Variants in ALMS1 observed in about 807,000 individuals in gnomAD.
The protein encoded by ALMS1 is centrosome-associated protein ALMS1.
Under a neutral mutation model 352.2 loss-of-function variants are expected in ALMS1, and 271 were observed. The ratio of observed to expected loss-of-function variants is 0.77; its 90% CI spans 0.70 to 0.85. The LOEUF (loss-of-function observed/expected upper bound fraction) is 0.85, where lower values mean the gene tolerates loss of function less well. ALMS1 is among the 40% of genes least tolerant of loss of function. The pLI, the probability that ALMS1 is intolerant of heterozygous loss-of-function variation, is 0.00. For missense variants in ALMS1, 5,445 were observed against 4,870.7 expected, an observed-to-expected ratio of 1.12 and a Z score of -3.51; for synonymous variants, 1,865 against 1,761.2, an observed-to-expected ratio of 1.06 and a Z score of -1.48.
At position 73,451,340 on chromosome 2, in the gene ALMS1, G is replaced by GA. The variant is rs758098717; in HGVS notation, c.4820dup (p.Thr1608AspfsTer2). 1.9e-6 allele frequency: 3 copies of GA among 1,613,936 alleles called. No individual in the cohort carries two copies. Among genetic ancestry groups the GA allele is most frequent in the Non-Finnish European group, 2.5e-6 (3 of 1,179,964 alleles). ...AGTTTCCATTGTTTCTGGACCTACT[G>GA]AAAAAAAGACTGACATACCAGCAGG... On this transcript the variant is annotated frameshift_variant, in exon 8 of 23. Coordinates refer to ENST00000613296, the MANE Select transcript of ALMS1 (RefSeq NM_001378454.1). LOFTEE classifies it high-confidence loss of function.
intron 22 of ALMS1, 95 bp from the exon 23 acceptor site, chr2:73,609,473 G>A: frequency 8.6e-7 from 1 of 1,161,388 alleles, no homozygotes; most frequent in Non-Finnish European, 1.3e-6. Flanking sequence ...GGACCACACT[G>A]ATTCTCCTTG....
chr2:73,407,289 C>T (rs963791017), intron 1 of ALMS1, among the ~76,000 whole-genome samples: 3 of 152,094 alleles, frequency 2.0e-5, no homozygotes, highest in Admixed American at 6.5e-5. Context: ...TCAGATCTGC[C>T]CTCATGATTA....
chr2:73,597,586 T>C (rs1675577525), intron 16 of ALMS1, among the ~76,000 whole-genome samples: 1 of 152,204 alleles, frequency 6.6e-6, no homozygotes. Flanking sequence ...TTTTTTAACA[T>C]CATTTTAGTC....
chr2:73,404,945 T>C, intron 1 of ALMS1, among the ~76,000 whole-genome samples: 1 of 130,544 alleles, frequency 7.7e-6, no homozygotes, highest in East Asian at 2.1e-4. Flanking sequence ...AGGGTCTTAC[T>C]TTGTCACCCA....
chr2:73,470,136 C>G (rs1280354303), intron 9 of ALMS1: 1 of 151,434 alleles, frequency 6.6e-6, no homozygotes, highest in Non-Finnish European at 1.5e-5. Flanking sequence ...TTGTTTTTAC[C>G]TTTTCAAAAA....
At chr2:73,456,752 A>T (rs1672075034) in intron 9 of ALMS1, 1 of 152,366 alleles carries the variant, frequency 6.6e-6, no homozygotes, top group East Asian at 1.9e-4. Context: ...CAAAATAATA[A>T]GAATAATAAA....
intron 14 of ALMS1, among the ~76,000 whole-genome samples, chr2:73,558,253 T>C (rs1182966692): frequency 1.3e-5 from 2 of 152,172 alleles, no homozygotes; most frequent in East Asian, 3.8e-4. Context: ...GTATTGATAG[T>C]TTCTGCCACA....
intron 9 of ALMS1, among the ~76,000 whole-genome samples, chr2:73,460,266 T>C (rs1216832884): frequency 6.6e-6 from 1 of 152,220 alleles, no homozygotes; most frequent in Non-Finnish European, 1.5e-5. Context: ...TCCAGATATT[T>C]TTAAATTTCC....
chr2:73,440,430 C>T (rs1391478824), intron 7 of ALMS1, among the ~76,000 whole-genome samples: 21 of 152,092 alleles, frequency 1.4e-4, no homozygotes, highest in Admixed American at 1.4e-3. Context: ...ATCGTCTTCT[C>T]CCTCTCTCTC....
rs183206234 is a variant in ALMS1 at position 73,515,834 on chromosome 2, C to A, written c.9540-3941C>A. Among the ~76,000 whole-genome samples the A allele has an allele frequency of 1.9e-3, 292 of 151,388 alleles. 1 individual carries two copies. The highest frequency in any genetic ancestry group is 6.4e-3 in the African/African-American group (264 of 41,184). On this transcript the variant is annotated intron_variant, in intron 10 of 22. Transcript: ENST00000613296. ...TCAGAGACTATTATGAACACCTATT[C>A]ACACACAAACTAGGAAACCTAGAAG...
In ALMS1 at chr2:73,407,288, C is replaced by T. The variant is rs78833705; in HGVS notation, c.325-1334C>T. 4.7e-4 allele frequency among the ~76,000 whole-genome samples: 71 copies of T among 152,268 alleles called. 1 individual carries two copies. The highest frequency in any genetic ancestry group is 1.7e-3 in the African/African-American group (69 of 41,558). ...CAAGTCATTAAGCCGTTCAGATCTG[C>T]CCTCATGATTAATTCATTCATGAGA... is the stretch of plus-strand genomic sequence containing the variant. On this transcript the variant is annotated intron_variant, in intron 1 of 22. Coordinates refer to ENST00000613296, the MANE Select transcript of ALMS1 (RefSeq NM_001378454.1).
At chr2:73,432,959 A>G (rs1671531934) in intron 7 of ALMS1, among the ~76,000 whole-genome samples, 1 of 152,192 alleles carries the variant, frequency 6.6e-6, no homozygotes, top group Non-Finnish European at 1.5e-5. Flanking sequence ...ACAAGAGTGG[A>G]TGCAGATAAG....
chr2:73,600,566 C>A lies in ALMS1; in HGVS notation c.11669-112C>A, dbSNP rs560032819. On this transcript the variant is annotated intron_variant, in intron 17 of 22. Coordinates refer to ENST00000613296, the MANE Select transcript of ALMS1 (RefSeq NM_001378454.1). ...TCTCTTCGCATCCCTCCATCCCACACAAAGGGATTGTATTTTTGAAACATT... is the reference window on the plus strand; with the variant it reads ...TCTCTTCGCATCCCTCCATCCCACAAAAAGGGATTGTATTTTTGAAACATT... 101 of 1,007,966 alleles carry A rather than the reference C, an allele frequency of 1.0e-4. 3 individuals carry two copies. In the South Asian group the frequency reaches 1.7e-3, roughly 16 times the overall value. 62.4% of individuals were successfully genotyped at this position (1,007,966 alleles called of 1,614,324 possible).
At chr2:73,489,260 C>T (rs371517494) in intron 9 of ALMS1, among the ~76,000 whole-genome samples, 3 of 152,198 alleles carry the variant, frequency 2.0e-5, no homozygotes, top group African/African-American at 7.2e-5. Flanking sequence ...GTGGTTACAA[C>T]TAGCTGCAGA....
chr2:73,471,799 T>C (rs1032986157), intron 9 of ALMS1, among the ~76,000 whole-genome samples: 1 of 151,850 alleles, frequency 6.6e-6, no homozygotes, highest in Non-Finnish European at 1.5e-5. Context: ...CTGTGGAAAA[T>C]AGTATGGAGA....
At chr2:73,559,168 T>C in intron 15 of ALMS1, 26 bp downstream of exon 15, 1 of 1,606,436 alleles carries the variant, frequency 6.2e-7, no homozygotes, top group Non-Finnish European at 8.5e-7. Context: ...TGTGTATGAG[T>C]GTGTGTGTCT....
rs142278066 is a variant in ALMS1 at position 73,599,494 on chromosome 2, C to T, written c.11641C>T (p.His3881Tyr). 2,669 of 1,613,580 alleles carry T rather than the reference C, an allele frequency of 1.7e-3. 2 individuals are homozygous for T. The highest frequency in any genetic ancestry group is 2.1e-3 in the Non-Finnish European group (2,471 of 1,179,680). The change falls in exon 17 of 23, where the codon CAC becomes TAC. Residue 3881 changes from histidine (H) to tyrosine (Y), a missense_variant. By Grantham distance (83) the His-to-Tyr change is moderately conservative. Transcript: ENST00000613296. ...TACTTTTTGCAACAAGCAGAATGTA[C>T]ACATGTTAAACAAGGGCATACAAGC... ...NSTFCNKQNV[H>Y]MLNKGIQAGN...
intron 10 of ALMS1, among the ~76,000 whole-genome samples, chr2:73,505,975 G>T (rs1366586155): frequency 6.6e-6 from 1 of 152,110 alleles, no homozygotes; most frequent in African/African-American, 2.4e-5. Context: ...TGTATAAGGT[G>T]TAAGGAAGGG....
At chr2:73,494,810 T>A (rs1673069781) in intron 10 of ALMS1, among the ~76,000 whole-genome samples, 1 of 152,256 alleles carries the variant, frequency 6.6e-6, no homozygotes, top group African/African-American at 2.4e-5. Context: ...GTTATTGTTT[T>A]TCCTTTGGAG....
Sources: allele counts gnomAD v4.1 joint callset (sites outside exome capture counted in the v4.1 genomes callset), GRCh38; gene constraint gnomAD v4.1.1; transcripts MANE v1.5; gene names NCBI Gene and HGNC (gene_info 2026-07-23, HGNC 2026-07-21).